The following BOC variants were observed in gnomAD, a reference collection of about 807,000 sequenced individuals.
BOC encodes the protein brother of CDO.
BOC carries 76 observed loss-of-function variants against 112.0 expected under a neutral mutation model. The observed-to-expected ratio is 0.68, with a 90% CI of 0.56 to 0.82. BOC has a LOEUF of 0.82. Ranked by LOEUF, BOC falls within the 40% of genes least tolerant of loss-of-function variation. The probability of loss-of-function intolerance (pLI) is 0.00; values close to 1 mark genes in which losing one functional copy is unlikely to be tolerated. For missense variants in BOC, 1,309 were observed against 1,511.7 expected, an observed-to-expected ratio of 0.87 and a Z score of 2.22; for synonymous variants, 580 against 599.8, an observed-to-expected ratio of 0.97 and a Z score of 0.48.
intron 1 of BOC, among the ~76,000 whole-genome samples, chr3:113,214,245 C>T (rs1206329578): frequency 1.3e-5 from 2 of 152,194 alleles, no homozygotes; most frequent in Non-Finnish European, 2.9e-5. Flanking sequence ...CAAATGGGTC[C>T]AGAGATTTTC....
chr3:113,280,927 G>T (rs1280945641), intron 14 of BOC, 104 bp from the exon 15 acceptor site: 7 of 1,480,296 alleles, frequency 4.7e-6, no homozygotes, highest in Non-Finnish European at 6.5e-6. Flanking sequence ...CCAGTCAGTG[G>T]CATCCTCCCC....
At chr3:113,271,155 C>G (rs1479929153) in intron 6 of BOC, 10 of 722,540 alleles carry the variant, frequency 1.4e-5, no homozygotes, top group Non-Finnish European at 2.2e-5. Flanking sequence ...CACACAGCAC[C>G]AGGCGACTGC....
At chr3:113,268,180 T>G in intron 4 of BOC, 119 bp from the exon 5 acceptor site, 29 of 1,442,750 alleles carry the variant, frequency 2.0e-5, no homozygotes, top group Non-Finnish European at 2.5e-5. Context: ...GAGGATCCCC[T>G]GATATCCCCC....
chr3:113,234,552 A>G (rs183994841), intron 2 of BOC, among the ~76,000 whole-genome samples: 1 of 152,298 alleles, frequency 6.6e-6, no homozygotes, highest in Admixed American at 6.5e-5. Context: ...GATGTTGTCA[A>G]AGCTGATGGG....
At chr3:113,254,058 C>A (rs761095866) in intron 4 of BOC, among the ~76,000 whole-genome samples, 6 of 152,118 alleles carry the variant, frequency 3.9e-5, no homozygotes, top group Non-Finnish European at 8.8e-5. Context: ...TGAGGAGAGA[C>A]AATTTATTAG....
At chr3:113,251,533 C>T (rs1259098970) in intron 4 of BOC, 2 of 153,380 alleles carry the variant, frequency 1.3e-5, no homozygotes, top group African/African-American at 2.4e-5. Flanking sequence ...TTCTTTTATT[C>T]ATGTTGTTAC....
In BOC at chr3:113,279,881, G is replaced by C; in HGVS notation, c.2081G>C (p.Ser694Thr). ...AACATGCTGGGGGAGAGCGAGCCCA[G>C]CGCCCCCTCTCGGCCCTACGTGGTG... ...ALNMLGESEP[S>T]APSRPYVVSG... The change falls in exon 13 of 20, where the codon AGC (serine) becomes ACC (threonine). Residue 694 changes from serine (S) to threonine (T), a missense_variant. Ser to Thr is a moderately conservative substitution (Grantham distance 58). Coordinates refer to ENST00000682979, the MANE Select transcript of BOC (RefSeq NM_001378074.1). The C allele has an allele frequency of 6.2e-7, 1 of 1,613,730 alleles. No individual in the cohort carries two copies. The highest frequency in any genetic ancestry group is 8.5e-7 in the Non-Finnish European group (1 of 1,179,854).
In BOC at chr3:113,216,186, G is replaced by T; in HGVS notation, c.-169-1G>T. 1 of 452,752 alleles carries T rather than the reference G, an allele frequency of 2.2e-6. No individual in the cohort carries two copies. The highest frequency in any genetic ancestry group is 4.4e-6 in the Non-Finnish European group (1 of 225,078). 28.0% of individuals were successfully genotyped at this position (452,752 alleles called of 1,614,324 possible). ...GATGAGATAATTCTCTTTTTCCTCA[G>T]TTTCAGAACAAGCTTCCTGGAACCC... is the stretch of plus-strand genomic sequence containing the variant. On this transcript the variant is annotated splice_acceptor_variant, in intron 1 of 19. Coordinates refer to ENST00000682979, the MANE Select transcript of BOC (RefSeq NM_001378074.1). LOFTEE classifies it low-confidence loss of function (5UTR_SPLICE).
chr3:113,260,712 CA>C (rs1946753123), intron 4 of BOC, among the ~76,000 whole-genome samples: 1 of 107,032 alleles, frequency 9.3e-6, no homozygotes, highest in Non-Finnish European at 2.1e-5. Context: ...CAGAACAGAA[CA>C]GAACAGAAAG....
At chr3:113,249,119 G>C (rs1945302223) in intron 2 of BOC, among the ~76,000 whole-genome samples, 1 of 152,092 alleles carries the variant, frequency 6.6e-6, no homozygotes, top group Admixed American at 6.5e-5. Flanking sequence ...GGAATAAAAG[G>C]GAGTTTTCAG....
rs1186922719 is a variant in BOC, at chr3:113,279,957, C to T, written c.2157C>T (p.Ile719=). 1.9e-6 allele frequency: 3 copies of T among 1,613,546 alleles called. No homozygotes were observed. The highest frequency in any genetic ancestry group is 3.3e-5 in the Admixed American group (2 of 59,972). ...VYERPVAGPY[I]TFTDAVNETT... ...AGAGGCCCGTGGCAGGTCCTTATAT[C>T]ACCTTCACGGATGCGGTCAATGAGA... Residue 719 remains isoleucine, a synonymous_variant, in exon 13 of 20, where the codon ATC becomes ATT. Coordinates refer to ENST00000682979, the MANE Select transcript of BOC (RefSeq NM_001378074.1).
At chr3:113,279,087 G>C (rs1178218007) in intron 11 of BOC, among the ~76,000 whole-genome samples, 162 bp from the exon 12 acceptor site, 2 of 152,188 alleles carry the variant, frequency 1.3e-5, no homozygotes, top group African/African-American at 4.8e-5. Flanking sequence ...AGGCAGCCGT[G>C]GGGAGGTCTG....
chr3:113,242,297 A>G lies in BOC; in HGVS notation c.-81-7425A>G, dbSNP rs369836954. ...TTCGGTCTTCCAGTTTAGCAATAAA[A>G]CCCCCCACACTGTGGGTAGATTTGT... On this transcript the variant is annotated intron_variant, in intron 2 of 19. Coordinates refer to ENST00000682979, the MANE Select transcript of BOC (RefSeq NM_001378074.1). Among the ~76,000 whole-genome samples the G allele has an allele frequency of 3.4e-4, 52 of 151,204 alleles. 1 individual carries two copies. In the East Asian group the frequency reaches 5.4e-3, roughly 16 times the overall value.
intron 4 of BOC, among the ~76,000 whole-genome samples, chr3:113,267,865 A>G (rs1947665131): frequency 6.6e-6 from 1 of 152,056 alleles, no homozygotes; most frequent in Non-Finnish European, 1.5e-5. Flanking sequence ...GGCTGTTCTC[A>G]ATCAACTTGG....
At position 113,236,581 on chromosome 3, in the gene BOC, G is replaced by T. The variant is rs566352635; in HGVS notation, c.-81-13141G>T. Reference sequence around the variant, plus strand: ...TAATGGGTACAATGTACACTATTGGGTGATGTTTACACTCACACAATGTAT... The same window carrying T: ...TAATGGGTACAATGTACACTATTGGTTGATGTTTACACTCACACAATGTAT... On this transcript the variant is annotated intron_variant, in intron 2 of 19. Coordinates refer to ENST00000682979, the MANE Select transcript of BOC (RefSeq NM_001378074.1). Among the ~76,000 whole-genome samples, 3 of 151,862 alleles carry T rather than the reference G, an allele frequency of 2.0e-5. No individual in the cohort carries two copies. In the South Asian group the frequency reaches 6.3e-4, roughly 32 times the overall value.
intron 2 of BOC, among the ~76,000 whole-genome samples, chr3:113,219,060 T>G (rs2107600384): frequency 6.6e-6 from 1 of 152,352 alleles, no homozygotes. Context: ...GTGATGGGGT[T>G]AATGTGTGTT....
chr3:113,273,365 G>A (rs1202381893), intron 8 of BOC, 24 bp downstream of exon 8: 1 of 1,562,754 alleles, frequency 6.4e-7, no homozygotes, highest in Admixed American at 1.8e-5. Context: ...AGGGGTCTGA[G>A]ATTCCAGCTG....
At chr3:113,270,477 C>CT (rs1947986657) in intron 5 of BOC, 2 of 251,810 alleles carry the variant, frequency 7.9e-6, no homozygotes, top group Non-Finnish European at 1.5e-5. Flanking sequence ...ATCCTGCTTC[C>CT]TTTCTAGCCT....
intron 4 of BOC, among the ~76,000 whole-genome samples, chr3:113,266,751 G>A (rs1364291300): frequency 2.6e-5 from 4 of 152,292 alleles, no homozygotes; most frequent in Non-Finnish European, 4.4e-5. Flanking sequence ...CTCGGTCCAC[G>A]CCCCTAAAGA....
Sources: allele counts gnomAD v4.1 joint callset (sites outside exome capture counted in the v4.1 genomes callset), GRCh38; gene constraint gnomAD v4.1.1; transcripts MANE v1.5; gene names NCBI Gene and HGNC (gene_info 2026-07-23, HGNC 2026-07-21).